CLDN14: variants seen among roughly 807,000 people sequenced by gnomAD.
CLDN14 encodes claudin-14.
Under a neutral mutation model 2.1 loss-of-function variants are expected in CLDN14, and 2 were observed. That is an observed-to-expected ratio of 0.96 (90% confidence interval 0.39 to 3.01). CLDN14 has a LOEUF of 3.01. Among genes scored for constraint, CLDN14 ranks in the 30% most tolerant of loss-of-function variants. The pLI is 0.09. For synonymous variants in CLDN14, 136 were observed against 154.4 expected, an observed-to-expected ratio of 0.88 and a Z score of 0.88; for missense variants, 298 against 328.0, an observed-to-expected ratio of 0.91 and a Z score of 0.71.
chr21:36,471,023 G>A (rs185206406), intron 1 of CLDN14, among the ~76,000 whole-genome samples: 93 of 152,254 alleles, frequency 6.1e-4, no homozygotes, highest in African/African-American at 1.9e-3. Context: ...TAAGAACTGC[G>A]TCCCCTTCCA....
intron 1 of CLDN14, among the ~76,000 whole-genome samples, chr21:36,561,862 C>T (rs1208327993): frequency 6.6e-6 from 1 of 151,924 alleles, no homozygotes; most frequent in Non-Finnish European, 1.5e-5. Context: ...GGATACAAAC[C>T]TCTATGGTTT....
chr21:36,550,367 C>G (rs1372632329), intron 1 of CLDN14, among the ~76,000 whole-genome samples: 1 of 152,090 alleles, frequency 6.6e-6, no homozygotes, highest in African/African-American at 2.4e-5. Flanking sequence ...TCCCCCTGAC[C>G]CCAAAAGTCG....
chr21:36,525,500 G>A (rs1178855399), intron 1 of CLDN14, among the ~76,000 whole-genome samples: 1 of 152,178 alleles, frequency 6.6e-6, no homozygotes, highest in Admixed American at 6.5e-5. Context: ...GGGGTTGGAG[G>A]ATGGCAAGGA....
At chr21:36,504,376 T>G (rs957333249) in intron 2 of CLDN14, among the ~76,000 whole-genome samples, 2 of 152,228 alleles carry the variant, frequency 1.3e-5, no homozygotes, top group Admixed American at 6.5e-5. Context: ...TGTATTCTCT[T>G]TTTCTGCTTA....
intron 1 of CLDN14, among the ~76,000 whole-genome samples, chr21:36,514,475 G>A (rs2835372): frequency 6.6e-6 from 1 of 152,130 alleles, no homozygotes; most frequent in Non-Finnish European, 1.5e-5. Flanking sequence ...GTTTCAATTG[G>A]TTGGTAGATG....
chr21:36,569,517 A>T (rs2087694132), intron 1 of CLDN14, among the ~76,000 whole-genome samples: 1 of 152,266 alleles, frequency 6.6e-6, no homozygotes, highest in Non-Finnish European at 1.5e-5. Context: ...TTCTGAAAAA[A>T]TATGATCGCT....
In CLDN14 at chr21:36,513,714, C is replaced by T. The variant is rs912702826; in HGVS notation, c.-219-3214G>A. Among the ~76,000 whole-genome samples, 9 of 152,308 alleles carry T rather than the reference C, an allele frequency of 5.9e-5. No individual in the cohort carries two copies. In the East Asian group the frequency reaches 1.7e-3, roughly 29 times the overall value. ...GAGAAGTCATCCTGAGCTAGGGTCA[C>T]TCTTTGCCCTGGCACCTCAGTGGGT... On this transcript the variant is annotated intron_variant, in intron 1 of 2. Transcript: ENST00000342108.
At chr21:36,490,986 A>C (rs2086958914) in intron 2 of CLDN14, among the ~76,000 whole-genome samples, 1 of 136,882 alleles carries the variant, frequency 7.3e-6, no homozygotes. Flanking sequence ...ACACACACAC[A>C]CACCCCTGGA....
chr21:36,557,798 C>T (rs1411220742), intron 1 of CLDN14, among the ~76,000 whole-genome samples: 1 of 152,152 alleles, frequency 6.6e-6, no homozygotes, highest in African/African-American at 2.4e-5. Context: ...TTGATGTAAT[C>T]CCATTTGCCT....
intron 1 of CLDN14, among the ~76,000 whole-genome samples, chr21:36,472,078 G>A (rs1433023304): frequency 1.3e-5 from 2 of 152,262 alleles, no homozygotes; most frequent in South Asian, 2.1e-4. Context: ...TAAACAAATC[G>A]CAATGCGCAT....
intron 2 of CLDN14, among the ~76,000 whole-genome samples, chr21:36,507,432 G>A (rs1256681936): frequency 1.3e-5 from 2 of 152,032 alleles, no homozygotes; most frequent in African/African-American, 4.8e-5. Flanking sequence ...ATGTGAAAAT[G>A]GAATGAGAGG....
At chr21:36,524,114 A>AT (rs34810928) in intron 1 of CLDN14, among the ~76,000 whole-genome samples, 4,677 of 146,850 alleles carry the variant, frequency 0.032, 221 homozygotes, top group African/African-American at 0.11. Flanking sequence ...TCTGGCTAAG[A>AT]TTTTTTTTTT....
intron 2 of CLDN14, among the ~76,000 whole-genome samples, chr21:36,492,097 A>C (rs1267144818): frequency 6.6e-6 from 1 of 152,110 alleles, no homozygotes; most frequent in Non-Finnish European, 1.5e-5. Flanking sequence ...TGAGGTTGGT[A>C]GTTCGAGACC....
At chr21:36,466,887 C>T (rs1276274810) in intron 1 of CLDN14, among the ~76,000 whole-genome samples, 1 of 152,158 alleles carries the variant, frequency 6.6e-6, no homozygotes, top group African/African-American at 2.4e-5. Flanking sequence ...TAGGTAAATA[C>T]CCCTATTCCA....
At chr21:36,555,838 TGTGTGTGTGTGTGA>T (rs1257308977) in intron 1 of CLDN14, among the ~76,000 whole-genome samples, 7 of 97,198 alleles carry the variant, frequency 7.2e-5, no homozygotes, top group East Asian at 7.0e-4. Context: ...TGTGTGTGTG[TGTGTGTGTGTGTGA>T]GAGAGAGAGA....
At chr21:36,514,475 G>C (rs2835372) in intron 1 of CLDN14, among the ~76,000 whole-genome samples, 1 of 152,130 alleles carries the variant, frequency 6.6e-6, no homozygotes, top group African/African-American at 2.4e-5. Context: ...GTTTCAATTG[G>C]TTGGTAGATG....
Position 36,498,303 on chromosome 21 carries a change from G to C in CLDN14, c.-82+12060C>G, listed in dbSNP as rs1200485932. On this transcript the variant is annotated intron_variant, in intron 2 of 2. Coordinates refer to the CLDN14 transcript ENST00000342108. This position sits in a 1 kb window ranked among gnomAD's most constrained non-coding sequence, Gnocchi z 4.9. Reference sequence around the variant, plus strand: ...GACATGAGCCACTGCGCCCAGACAGGAAGATGCGTTTGTGAGCCGGGACAA... The same window carrying C: ...GACATGAGCCACTGCGCCCAGACAGCAAGATGCGTTTGTGAGCCGGGACAA... 6.6e-6 allele frequency among the ~76,000 whole-genome samples: 1 copy of C among 152,106 alleles called. No individual in the cohort carries two copies. Among genetic ancestry groups the C allele is most frequent in the Non-Finnish European group, 1.5e-5 (1 of 68,010 alleles).
rs1322335052 is a variant in CLDN14 at position 36,551,861 on chromosome 21, C to T, written c.-220+24550G>A. Among the ~76,000 whole-genome samples, 2 of 152,158 alleles carry T rather than the reference C, an allele frequency of 1.3e-5. No homozygotes were observed. The highest frequency in any genetic ancestry group is 1.5e-5 in the Non-Finnish European group (1 of 68,028). On this transcript the variant is annotated intron_variant, in intron 1 of 2. Transcript: ENST00000342108. The surrounding 1 kb of genome is among the most constrained non-coding windows in gnomAD (Gnocchi z 4.8). ...CCTGTCGGTCGAGAGGAGAGTGCAG[C>T]ATGACCCAACAGCCCTGCTGCTCCC... is the stretch of plus-strand genomic sequence containing the variant.
chr21:36,548,157 G>A (rs2087537988), intron 1 of CLDN14, among the ~76,000 whole-genome samples: 1 of 151,788 alleles, frequency 6.6e-6, no homozygotes, highest in African/African-American at 2.4e-5. Flanking sequence ...TCTTTTCCTT[G>A]TTACCTCCTC....
Sources: gnomAD v4.1 joint callset for allele counts (sites outside exome capture counted in the v4.1 genomes callset) on GRCh38, gnomAD v4.1.1 for gene constraint, Gnocchi (gnomAD v3.1) non-coding constraint, MANE v1.5 for transcripts, NCBI Gene and HGNC (gene_info 2026-07-23, HGNC 2026-07-21) for gene names.